The following CDH20 variants were observed in gnomAD, a reference collection of about 807,000 sequenced individuals.
CDH20 encodes the protein cadherin 20.
A neutral mutation model predicts 74.2 loss-of-function variants in CDH20; 29 were observed. The ratio of observed to expected loss-of-function variants is 0.39; its 90% confidence interval spans 0.29 to 0.53. The LOEUF (loss-of-function observed/expected upper bound fraction) is 0.53. Ranked by LOEUF, CDH20 falls within the 20% of genes least tolerant of loss-of-function variation. The pLI is 0.69. For synonymous variants in CDH20, 469 were observed against 405.4 expected, an observed-to-expected ratio of 1.16 and a Z score of -1.88; for missense variants, 988 against 1,048.3, an observed-to-expected ratio of 0.94 and a Z score of 0.79.
intron 5 of CDH20, among the ~76,000 whole-genome samples, chr18:61,505,022 C>T (rs1230938032): frequency 6.6e-6 from 1 of 152,110 alleles, no homozygotes; most frequent in African/African-American, 2.4e-5. Flanking sequence ...CTTTGTATTG[C>T]TTTGGTGATT....
At chr18:61,464,219 GTT>G in intron 1 of CDH20, among the ~76,000 whole-genome samples, 1 of 151,738 alleles carries the variant, frequency 6.6e-6, no homozygotes, top group Non-Finnish European at 1.5e-5. Flanking sequence ...TAAGCTCAGA[GTT>G]TTTGTGCTTA....
chr18:61,435,432 C>T lies in CDH20; in HGVS notation c.-152-54970C>T, dbSNP rs531231693. On this transcript the variant is annotated intron_variant, in intron 1 of 11. Transcript: ENST00000262717. The stretch of plus-strand genomic sequence containing the variant: ...ACTCTCAGACCATCCAGGATCTCCA[C>T]GTCACAGAGAAAAATGCTTCTGTCC... Among the ~76,000 whole-genome samples the T allele has an allele frequency of 1.1e-3, 162 of 152,186 alleles. 1 individual carries two copies. The highest frequency in any genetic ancestry group is 3.1e-3 in the African/African-American group (129 of 41,536).
intron 1 of CDH20, among the ~76,000 whole-genome samples, chr18:61,415,591 G>A (rs1477345124): frequency 1.3e-5 from 2 of 152,026 alleles, no homozygotes; most frequent in Admixed American, 6.6e-5. Context: ...ATCACCCTCC[G>A]AAAACTCATA....
In CDH20 at chr18:61,554,768, A is replaced by C; in HGVS notation, c.*73A>C. The C allele has an allele frequency of 6.8e-7, 1 of 1,474,662 alleles. No homozygotes were observed. The highest frequency in any genetic ancestry group is 9.0e-7 in the Non-Finnish European group (1 of 1,112,440). 91.3% of individuals were successfully genotyped at this position (1,474,662 alleles called of 1,614,324 possible). Reference sequence around the variant, plus strand: ...GGTGCTTCGCGGACAAGGTGCAGCCAACCACACGAGCAATACTGTGCTGGA... The same window carrying C: ...GGTGCTTCGCGGACAAGGTGCAGCCCACCACACGAGCAATACTGTGCTGGA... On this transcript the variant is annotated 3_prime_UTR_variant, in exon 12 of 12. Coordinates refer to ENST00000262717, the MANE Select transcript of CDH20 (RefSeq NM_031891.4).
chr18:61,499,595 G>T (rs1911291426), intron 3 of CDH20, 115 bp downstream of exon 3: 2 of 857,540 alleles, frequency 2.3e-6, no homozygotes, highest in African/African-American at 3.3e-5. Context: ...GAACAGGAGA[G>T]CATGAGAGGA....
chr18:61,460,915 A>G (rs1229540333), intron 1 of CDH20, among the ~76,000 whole-genome samples: 1 of 152,178 alleles, frequency 6.6e-6, no homozygotes, highest in Non-Finnish European at 1.5e-5. Flanking sequence ...AGGAGTAAAT[A>G]TATCTTTTGG....
chr18:61,496,052 C>T (rs140540810), intron 2 of CDH20, among the ~76,000 whole-genome samples: 61 of 26,096 alleles, frequency 2.3e-3, no homozygotes, highest in Non-Finnish European at 4.4e-3. Context: ...CCTTCCTCTC[C>T]CCCCTCTCTC....
At chr18:61,487,370 T>G (rs908213313) in intron 1 of CDH20, among the ~76,000 whole-genome samples, 4 of 152,220 alleles carry the variant, frequency 2.6e-5, no homozygotes, top group Non-Finnish European at 4.4e-5. Context: ...ACACCTCTAA[T>G]TGTGAAAAGA....
chr18:61,517,988 T>C (rs1243787903), intron 6 of CDH20, among the ~76,000 whole-genome samples: 2 of 152,072 alleles, frequency 1.3e-5, no homozygotes, highest in Non-Finnish European at 2.9e-5. Context: ...CCTAACAGTG[T>C]AAACAAAGCC....
At chr18:61,479,009 G>T (rs907449858) in intron 1 of CDH20, among the ~76,000 whole-genome samples, 1 of 151,890 alleles carries the variant, frequency 6.6e-6, no homozygotes, top group Non-Finnish European at 1.5e-5. Flanking sequence ...ACATGTAAGT[G>T]TGTACACTGA....
intron 1 of CDH20, among the ~76,000 whole-genome samples, chr18:61,448,993 C>T (rs977893315): frequency 3.9e-5 from 6 of 152,110 alleles, no homozygotes; most frequent in African/African-American, 1.2e-4. Flanking sequence ...GATGAACACC[C>T]GACTCCAGGT....
rs1020132001 is a variant in CDH20, at chr18:61,491,749, T to C, written c.246+950T>C. 7.2e-5 allele frequency among the ~76,000 whole-genome samples: 11 copies of C among 152,120 alleles called. No individual in the cohort carries two copies. In the East Asian group the frequency reaches 7.7e-4, roughly 11 times the overall value. On this transcript the variant is annotated intron_variant, in intron 2 of 11. Coordinates refer to ENST00000262717, the MANE Select transcript of CDH20 (RefSeq NM_031891.4). Reference sequence around the variant, plus strand: ...TCCCTACCTCTGACCCAAAGCTGTGTTTTCATTGCTTCTCAAGACCTCTCT... The same window carrying C: ...TCCCTACCTCTGACCCAAAGCTGTGCTTTCATTGCTTCTCAAGACCTCTCT...
At chr18:61,488,907 A>T (rs999909477) in intron 1 of CDH20, among the ~76,000 whole-genome samples, 1 of 152,222 alleles carries the variant, frequency 6.6e-6, no homozygotes, top group Non-Finnish European at 1.5e-5. Flanking sequence ...CTAAGGGAAG[A>T]TGTCCACCAG....
intron 2 of CDH20, among the ~76,000 whole-genome samples, chr18:61,493,192 G>A (rs1046767713): frequency 3.7e-4 from 56 of 151,904 alleles, no homozygotes; most frequent in Admixed American, 3.2e-3. Context: ...TTACCTTCAC[G>A]TGCAATCGGT....
intron 2 of CDH20, among the ~76,000 whole-genome samples, chr18:61,495,134 T>C (rs1599124322): frequency 6.6e-6 from 1 of 152,358 alleles, no homozygotes; most frequent in South Asian, 2.1e-4. Context: ...GTAACTGTGC[T>C]GCTGACTCTG....
At chr18:61,401,640 G>C (rs1439464559) in intron 1 of CDH20, among the ~76,000 whole-genome samples, 1 of 152,154 alleles carries the variant, frequency 6.6e-6, no homozygotes, top group African/African-American at 2.4e-5. Context: ...CATGTTCATT[G>C]TTCCTAATGT....
intron 1 of CDH20, among the ~76,000 whole-genome samples, chr18:61,376,223 C>A (rs1911225213): frequency 6.6e-6 from 1 of 151,970 alleles, no homozygotes; most frequent in African/African-American, 2.4e-5. Flanking sequence ...ACTAAAATCA[C>A]TTAAGGCAGC....
At chr18:61,465,265 C>CA (rs796359635) in intron 1 of CDH20, among the ~76,000 whole-genome samples, 49 of 151,708 alleles carry the variant, frequency 3.2e-4, no homozygotes, top group African/African-American at 1.0e-3. Flanking sequence ...AAAAGAAAAC[C>CA]AAAAAAAAGC....
intron 1 of CDH20, among the ~76,000 whole-genome samples, chr18:61,484,314 G>A (rs1375988155): frequency 1.3e-5 from 2 of 152,152 alleles, no homozygotes; most frequent in Non-Finnish European, 2.9e-5. Context: ...CCCATAGACT[G>A]GGCTGTAGTT....
Sources: gnomAD v4.1 joint callset for allele counts (sites outside exome capture counted in the v4.1 genomes callset) on GRCh38, gnomAD v4.1.1 for gene constraint, MANE v1.5 for transcripts, NCBI Gene and HGNC (gene_info 2026-07-23, HGNC 2026-07-21) for gene names.